The following TRIM17 variants were observed in gnomAD, a reference collection of about 807,000 sequenced individuals.
The protein encoded by TRIM17 is E3 ubiquitin-protein ligase TRIM17.
In TRIM17, 27 loss-of-function variants were observed where a neutral mutation model predicts 35.8. The observed-to-expected ratio is 0.75, with a 90% CI of 0.56 to 1.04. The LOEUF is 1.04. Among genes scored for constraint, TRIM17 ranks in the 50% least tolerant of loss-of-function variants. The pLI, the probability that TRIM17 is intolerant of heterozygous loss-of-function variation, is 0.00. For missense variants in TRIM17, 582 were observed against 612.8 expected (o/e 0.95, Z 0.53); for synonymous variants, 246 against 252.6 (o/e 0.97, Z 0.25).
Position 228,410,746 on chromosome 1 carries a change from G to A in TRIM17, c.756+200C>T, listed in dbSNP as rs567981322. Among the ~76,000 whole-genome samples, 3 of 152,238 alleles carry A rather than the reference G, an allele frequency of 2.0e-5. No individual in the cohort carries two copies. Among genetic ancestry groups the A allele is most frequent in the South Asian group, 4.2e-4 (2 of 4,818 alleles). Reference sequence around the variant, plus strand: ...TGCCATGAGGACGCGGGGAGGAGACGGCATCTTCAGGCCTAGGAGAGAGGC... The same window carrying A: ...TGCCATGAGGACGCGGGGAGGAGACAGCATCTTCAGGCCTAGGAGAGAGGC... On this transcript the variant is annotated intron_variant, in intron 4 of 6. Coordinates refer to ENST00000366698, the MANE Select transcript of TRIM17 (RefSeq NM_016102.4). The surrounding 1 kb of genome is among the most constrained non-coding windows in gnomAD (Gnocchi z 4.6).
In TRIM17 at chr1:228,416,553, G is replaced by T. The variant is rs912798639; in HGVS notation, c.-56C>A. 4 of 985,592 alleles carry T rather than the reference G, an allele frequency of 4.1e-6. No homozygotes were observed. The highest frequency in any genetic ancestry group is 3.6e-6 in the Non-Finnish European group (3 of 830,310). The allele number at this position is 985,592 out of a possible 1,614,324, so 61.1% of individuals were successfully genotyped here. ...GGGCTACTCACCGCGGGGAAGGGGG[G>T]CCCGCACAGCGCCTAGTGCACCTGG... On this transcript the variant is annotated 5_prime_UTR_variant, in exon 1 of 7. Coordinates refer to ENST00000366698, the MANE Select transcript of TRIM17 (RefSeq NM_016102.4).
In TRIM17 at chr1:228,411,263, C is replaced by T; in HGVS notation, c.526-87G>A. 1 of 1,088,298 alleles carries T rather than the reference C, an allele frequency of 9.2e-7. No homozygotes were observed. The highest frequency in any genetic ancestry group is 2.3e-5 in the Admixed American group (1 of 42,702). The allele number at this position is 1,088,298 out of a possible 1,614,324, so 67.4% of individuals were successfully genotyped here. Reference sequence around the variant, plus strand: ...ACCTCTCCCCAGGGCCCTGGTGACCCACAAGATCACCAGCAACTGGAGCTT... The same window carrying T: ...ACCTCTCCCCAGGGCCCTGGTGACCTACAAGATCACCAGCAACTGGAGCTT... On this transcript the variant is annotated intron_variant, in intron 3 of 6. Coordinates refer to ENST00000366698, the MANE Select transcript of TRIM17 (RefSeq NM_016102.4). This position sits in a 1 kb window ranked among gnomAD's most constrained non-coding sequence, Gnocchi z 4.2.
Position 228,408,058 on chromosome 1 carries a change from A to T in TRIM17, c.*143T>A. The T allele has an allele frequency of 1.4e-6, 1 of 723,988 alleles. No individual in the cohort carries two copies. The highest frequency in any genetic ancestry group is 2.2e-6 in the Non-Finnish European group (1 of 457,044). 44.8% of individuals were successfully genotyped at this position (723,988 alleles called of 1,614,324 possible). On this transcript the variant is annotated 3_prime_UTR_variant, in exon 7 of 7. Transcript: ENST00000366698. The surrounding 1 kb of genome is among the most constrained non-coding windows in gnomAD (Gnocchi z 6.3). ...ATGTTTGACAGTTCTAATCACAATTATATTTAGAATTTGAGAAACCCCCCT... is the reference window on the plus strand; with the variant it reads ...ATGTTTGACAGTTCTAATCACAATTTTATTTAGAATTTGAGAAACCCCCCT...
At position 228,410,884 on chromosome 1, in the gene TRIM17, G is replaced by T; in HGVS notation, c.756+62C>A. On this transcript the variant is annotated intron_variant, in intron 4 of 6. Coordinates refer to ENST00000366698, the MANE Select transcript of TRIM17 (RefSeq NM_016102.4). This position sits in a 1 kb window ranked among gnomAD's most constrained non-coding sequence, Gnocchi z 4.6. ...TGGCTGCCTCTTCCCCAAGCCCAGC[G>T]CCCCCTGCCCATGCCTGTCAGAGCT... 1 of 1,217,532 alleles carries T rather than the reference G, an allele frequency of 8.2e-7. No homozygotes were observed. The highest frequency in any genetic ancestry group is 1.1e-6 in the Non-Finnish European group (1 of 902,126). 75.4% of individuals were successfully genotyped at this position (1,217,532 alleles called of 1,614,324 possible).
At chr1:228,412,368 C>T (rs1656828079) in intron 3 of TRIM17, among the ~76,000 whole-genome samples, 1 of 152,056 alleles carries the variant, frequency 6.6e-6, no homozygotes, top group Non-Finnish European at 1.5e-5. Flanking sequence ...GCTGGACCAC[C>T]CTGCCTCCGT....
chr1:228,415,881 C>T (rs1657094660), intron 1 of TRIM17: 1 of 152,400 alleles, frequency 6.6e-6, no homozygotes. Context: ...GATCCACAAA[C>T]ACAGCACACA....
chr1:228,408,138 G>C lies in TRIM17; in HGVS notation c.*63C>G, dbSNP rs1656537672. The C allele has an allele frequency of 6.8e-7, 1 of 1,473,932 alleles. No homozygotes were observed. Among genetic ancestry groups the C allele is most frequent in the African/African-American group, 1.4e-5 (1 of 70,972 alleles). The allele number at this position is 1,473,932 out of a possible 1,614,324, so 91.3% of individuals were successfully genotyped here. A position where few individuals can be genotyped will look rare whatever the true frequency, so the allele number is the denominator to read the frequency against. ...AGAGAACCCTGGCAGGTGGCCTGCA[G>C]TAAGCAGAAGGCCCACACCTTCTGC... is the stretch of plus-strand genomic sequence containing the variant. On this transcript the variant is annotated 3_prime_UTR_variant, in exon 7 of 7. Coordinates refer to ENST00000366698, the MANE Select transcript of TRIM17 (RefSeq NM_016102.4). The surrounding 1 kb of genome is among the most constrained non-coding windows in gnomAD (Gnocchi z 6.3).
chr1:228,414,307 G>A (rs963927147), intron 2 of TRIM17, among the ~76,000 whole-genome samples: 3 of 152,166 alleles, frequency 2.0e-5, no homozygotes, highest in African/African-American at 4.8e-5. Flanking sequence ...CCTTGGGAGC[G>A]ACTCCTGGGT....
chr1:228,416,382 G>A (rs1657126421), intron 1 of TRIM17, 157 bp downstream of exon 1: 2 of 985,518 alleles, frequency 2.0e-6, no homozygotes, highest in South Asian at 4.7e-5. Flanking sequence ...TCCCGGTAGA[G>A]TTACCTTGTT....
rs1656718172 is a variant in TRIM17 at position 228,410,511 on chromosome 1, T to A, written c.756+435A>T. Among the ~76,000 whole-genome samples, 1 of 151,996 alleles carries A rather than the reference T, an allele frequency of 6.6e-6. No homozygotes were observed. Among genetic ancestry groups the A allele is most frequent in the Admixed American group, 6.6e-5 (1 of 15,254 alleles). ...TGGACTTGGAAGGAAATGGGGACAC[T>A]GTCTCAGGTTGGAACCTGTAAGGGG... is the stretch of plus-strand genomic sequence containing the variant. On this transcript the variant is annotated intron_variant, in intron 4 of 6. Coordinates refer to ENST00000366698, the MANE Select transcript of TRIM17 (RefSeq NM_016102.4). This position sits in a 1 kb window ranked among gnomAD's most constrained non-coding sequence, Gnocchi z 4.6.
chr1:228,409,027 G>A (rs753511815), intron 6 of TRIM17, 145 bp downstream of exon 6: 29 of 1,603,478 alleles, frequency 1.8e-5, no homozygotes, highest in South Asian at 1.6e-4. Flanking sequence ...GCCGCCCTAC[G>A]AAGGCACAGT....
At chr1:228,415,222 G>A in intron 1 of TRIM17, 109 bp from the exon 2 acceptor site, 1 of 835,136 alleles carries the variant, frequency 1.2e-6, no homozygotes, top group Non-Finnish European at 1.8e-6. Context: ...TCCAGTTAGA[G>A]AGTCCAGAGT....
At position 228,410,969 on chromosome 1, in the gene TRIM17, G is replaced by C; in HGVS notation, c.733C>G (p.Gln245Glu). The change falls in exon 4 of 7, where the codon CAG (glutamine) becomes GAG (glutamate). Residue 245 changes from glutamine to glutamate, a missense_variant. Coordinates refer to ENST00000366698, the MANE Select transcript of TRIM17 (RefSeq NM_016102.4). The surrounding 1 kb of genome is among the most constrained non-coding windows in gnomAD (Gnocchi z 4.6). ...ACCTGCAGCATCTGGAGGGGCCCCTGTGTGCTCCGCTCCTCCAGCTGCAGC... is the reference window on the plus strand; with the variant it reads ...ACCTGCAGCATCTGGAGGGGCCCCTCTGTGCTCCGCTCCTCCAGCTGCAGC... ...LLLQLEERST[Q>E]GPLQMLQDMK... is the part of the protein sequence containing the mutation. 1.3e-6 allele frequency: 2 copies of C among 1,590,880 alleles called. No homozygotes were observed. Among genetic ancestry groups the C allele is most frequent in the Non-Finnish European group, 1.7e-6 (2 of 1,169,220 alleles).
At position 228,414,682 on chromosome 1, in the gene TRIM17, T is replaced by G; in HGVS notation, c.391A>C (p.Arg131=). Residue 131 remains arginine, a synonymous_variant, in exon 2 of 7, where the codon AGG becomes CGG. Transcript: ENST00000366698. ...CRESREHRLH[R]VLPAEEAVQG... ...ACTGCCTCCTCGGCGGGCAGCACCCTGTGCAGCCGGTGCTCCCGGGACTCC... is the reference window on the plus strand; with the variant it reads ...ACTGCCTCCTCGGCGGGCAGCACCCGGTGCAGCCGGTGCTCCCGGGACTCC... 1 of 1,611,704 alleles carries G rather than the reference T, an allele frequency of 6.2e-7. No individual in the cohort carries two copies. Among genetic ancestry groups the G allele is most frequent in the Non-Finnish European group, 8.5e-7 (1 of 1,179,962 alleles).
rs771151713 is a variant in TRIM17, at chr1:228,407,976, G to GC, written c.*224_*225insG. 287 of 393,398 alleles carry GC rather than the reference G, an allele frequency of 7.3e-4. No homozygotes were observed. In the Middle Eastern group the frequency reaches 0.01, roughly 14 times the overall value. The allele number at this position is 393,398 out of a possible 1,614,324, so 24.4% of individuals were successfully genotyped here. On this transcript the variant is annotated 3_prime_UTR_variant, in exon 7 of 7. Transcript: ENST00000366698. ...ATGGATTTAGAAATCGGTCCACTCAGAACGCAGGGGCTTTCAAAAGTTTCC... is the reference window on the plus strand; with the variant it reads ...ATGGATTTAGAAATCGGTCCACTCAGCAACGCAGGGGCTTTCAAAAGTTTCC...
intron 6 of TRIM17, 107 bp downstream of exon 6, chr1:228,409,065 T>G (rs768844078): frequency 3.1e-6 from 5 of 1,613,278 alleles, no homozygotes. Flanking sequence ...CACCAGGCAG[T>G]GCACTTGTAG....
chr1:228,408,745 A>G lies in TRIM17; in HGVS notation c.890T>C (p.Val297Ala). ...IEVLRGFLED[V>A]VPDATSAYPY... ...GTACGCGGAGGTGGCATCAGGCACCACATCCTCTGTAGATGGGCGTGGTGG... is the reference window on the plus strand; with the variant it reads ...GTACGCGGAGGTGGCATCAGGCACCGCATCCTCTGTAGATGGGCGTGGTGG... The change falls in exon 7 of 7, where the codon GTG becomes GCG. Residue 297 changes from valine (V) to alanine (A), a missense_variant. Physicochemically the swap from Val to Ala is moderately conservative, Grantham distance 64. Transcript: ENST00000366698. The surrounding 1 kb of genome is among the most constrained non-coding windows in gnomAD (Gnocchi z 6.3). 6.2e-7 allele frequency: 1 copy of G among 1,600,378 alleles called. No homozygotes were observed. Among genetic ancestry groups the G allele is most frequent in the South Asian group, 1.1e-5 (1 of 91,008 alleles).
chr1:228,415,367 C>T, intron 1 of TRIM17: 2 of 327,116 alleles, frequency 6.1e-6, no homozygotes, highest in Non-Finnish European at 5.6e-6. Flanking sequence ...CCACTTCCGC[C>T]TGCTGCTGGC....
At chr1:228,409,562 G>T in intron 4 of TRIM17, 151 bp from the exon 5 acceptor site, 1 of 726,678 alleles carries the variant, frequency 1.4e-6, no homozygotes, top group Non-Finnish European at 2.2e-6. Flanking sequence ...GCACTCCTGA[G>T]CCTTCCCCAC....
Sources: gnomAD v4.1 joint callset for allele counts (sites outside exome capture counted in the v4.1 genomes callset) on GRCh38, gnomAD v4.1.1 for gene constraint, Gnocchi (gnomAD v3.1) non-coding constraint, MANE v1.5 for transcripts, NCBI Gene and HGNC (gene_info 2026-07-23, HGNC 2026-07-21) for gene names.